Variants in KDR observed in about 807,000 individuals in gnomAD.
The protein encoded by KDR is vascular endothelial growth factor receptor 2.
KDR carries 43 observed loss-of-function variants against 160.9 expected under a neutral mutation model. The ratio of observed to expected loss-of-function variants is 0.27; its 90% CI spans 0.21 to 0.34. The LOEUF is 0.34. KDR is among the 10% of genes least tolerant of loss of function. KDR has a pLI of 1.00. For missense variants in KDR, 1,469 were observed against 1,666.4 expected, an observed-to-expected ratio of 0.88 and a Z score of 2.06; for synonymous variants, 617 against 600.1, an observed-to-expected ratio of 1.03 and a Z score of -0.41.
intron 27 of KDR, among the ~76,000 whole-genome samples, chr4:55,086,367 A>G (rs993016245): frequency 2.0e-5 from 3 of 152,188 alleles, no homozygotes; most frequent in Non-Finnish European, 2.9e-5. Flanking sequence ...AAACTGAGGC[A>G]GAGGGTAGAT....
intron 29 of KDR, among the ~76,000 whole-genome samples, chr4:55,081,563 C>T (rs1719736297): frequency 6.6e-6 from 1 of 152,136 alleles, no homozygotes; most frequent in South Asian, 2.1e-4. Context: ...ATATATCATA[C>T]TTCTTAAGCA....
intron 10 of KDR, among the ~76,000 whole-genome samples, chr4:55,107,394 C>T (rs569933430): frequency 2.8e-4 from 42 of 152,130 alleles, no homozygotes; most frequent in Non-Finnish European, 5.6e-4. Context: ...TGGATCTTCA[C>T]ACACACAAGA....
Position 55,078,704 on chromosome 4 carries a change from C to CA in KDR, c.*1236dup, listed in dbSNP as rs1052975553. ...CAGCATTTCACACTATGGTACCAAA[C>CA]AAAAAACACATTTTCTTTTTTGAAA... is the stretch of plus-strand genomic sequence containing the variant. On this transcript the variant is annotated 3_prime_UTR_variant, in exon 30 of 30. Coordinates refer to ENST00000263923, the MANE Select transcript of KDR (RefSeq NM_002253.4). 1.7e-5 allele frequency: 4 copies of CA among 232,220 alleles called. No individual in the cohort carries two copies. The highest frequency in any genetic ancestry group is 3.4e-5 in the Non-Finnish European group (4 of 117,678). The allele number at this position is 232,220 out of a possible 1,614,324, so 14.4% of individuals were successfully genotyped here.
At position 55,080,076 on chromosome 4, in the gene KDR, A is replaced by G; in HGVS notation, c.3936T>C (p.Asp1312=). Residue 1312 remains aspartate, a synonymous_variant, in exon 30 of 30, where the codon GAT becomes GAC. Coordinates refer to ENST00000263923, the MANE Select transcript of KDR (RefSeq NM_002253.4). ...TSGYQSGYHS[D]DTDTTVYSSE... The stretch of plus-strand genomic sequence containing the variant: ...TGGAGTACACGGTGGTGTCTGTGTC[A>G]TCGGAGTGATATCCGGACTGGTAGC... The G allele has an allele frequency of 6.2e-7, 1 of 1,614,192 alleles. No individual in the cohort carries two copies. The highest frequency in any genetic ancestry group is 8.5e-7 in the Non-Finnish European group (1 of 1,180,038).
chr4:55,085,179 A>G (rs1578126172), intron 27 of KDR, among the ~76,000 whole-genome samples: 1 of 152,314 alleles, frequency 6.6e-6, no homozygotes. Flanking sequence ...GAGCCCAGCA[A>G]GTATGTGTTT....
chr4:55,125,570 G>T lies in KDR; in HGVS notation c.-277C>A, dbSNP rs943654217. 4.3e-5 allele frequency: 25 copies of T among 580,174 alleles called. No homozygotes were observed. The highest frequency in any genetic ancestry group is 3.9e-4 in the African/African-American group (21 of 53,436). The allele number at this position is 580,174 out of a possible 1,614,324, so 35.9% of individuals were successfully genotyped here. ...GAAACGCAGCGACCACACATTGACC[G>T]CTCTCCCGGGGTCCCGGGACTCAGT... On this transcript the variant is annotated 5_prime_UTR_variant, in exon 1 of 30. Coordinates refer to ENST00000263923, the MANE Select transcript of KDR (RefSeq NM_002253.4).
At chr4:55,098,940 C>T (rs1372441157) in intron 15 of KDR, 137 bp from the exon 16 acceptor site, 8 of 578,070 alleles carry the variant, frequency 1.4e-5, no homozygotes, top group East Asian at 8.8e-5. Context: ...AGTTACACAC[C>T]CGTAACTTGA....
intron 13 of KDR, 152 bp downstream of exon 13, chr4:55,104,491 T>C: frequency 1.4e-6 from 1 of 691,652 alleles, no homozygotes; most frequent in Non-Finnish European, 2.6e-6. Flanking sequence ...ATTATTAGCT[T>C]CTTTCTTCCT....
chr4:55,122,520 T>C (rs1204392775), intron 1 of KDR, among the ~76,000 whole-genome samples: 1 of 152,174 alleles, frequency 6.6e-6, no homozygotes, highest in Non-Finnish European at 1.5e-5. Flanking sequence ...AAATACCCAG[T>C]GCAAACATCC....
At chr4:55,113,177 C>T in intron 7 of KDR, 127 bp downstream of exon 7, 1 of 1,008,382 alleles carries the variant, frequency 9.9e-7, no homozygotes, top group Admixed American at 1.9e-5. Flanking sequence ...GGTCATGTGG[C>T]CTCCCTAACA....
chr4:55,120,129 G>T (rs560187562), intron 2 of KDR, among the ~76,000 whole-genome samples: 1 of 152,084 alleles, frequency 6.6e-6, no homozygotes. Flanking sequence ...TTTTCCCAAG[G>T]GCTGGGTATT....
intron 9 of KDR, 34 bp downstream of exon 9, chr4:55,110,366 TAAA>T (rs1334043404): frequency 6.2e-7 from 1 of 1,604,032 alleles, no homozygotes; most frequent in Non-Finnish European, 8.5e-7. Flanking sequence ...TGTATCATAA[TAAA>T]TCTTGGGCAG....
chr4:55,124,958 G>A (rs969118277), intron 1 of KDR, among the ~76,000 whole-genome samples: 1 of 152,138 alleles, frequency 6.6e-6, no homozygotes, highest in African/African-American at 2.4e-5. Context: ...GGGTGTGTCG[G>A]CATCTCAGGA....
At chr4:55,082,964 T>G (rs1046241006) in intron 27 of KDR, among the ~76,000 whole-genome samples, 3 of 152,156 alleles carry the variant, frequency 2.0e-5, no homozygotes, top group African/African-American at 7.2e-5. Context: ...TGCATGGGAT[T>G]CCTCCATCGA....
chr4:55,110,319 G>A (rs1473028450), intron 9 of KDR, 84 bp downstream of exon 9: 11 of 1,383,244 alleles, frequency 8.0e-6, no homozygotes, highest in Non-Finnish European at 1.1e-5. Flanking sequence ...AGCAGCAGGA[G>A]GCAGAGGAAC....
chr4:55,090,616 T>C (rs1719989260), intron 22 of KDR, among the ~76,000 whole-genome samples: 1 of 152,128 alleles, frequency 6.6e-6, no homozygotes, highest in Non-Finnish European at 1.5e-5. Context: ...TAAAGGTCTA[T>C]TAAGGCAATT....
chr4:55,093,115 G>A (rs1720059597), intron 21 of KDR, among the ~76,000 whole-genome samples: 1 of 152,200 alleles, frequency 6.6e-6, no homozygotes, highest in South Asian at 2.1e-4. Context: ...CAGGGTCATT[G>A]AATCTCTTCT....
rs1719648177 is a variant in KDR, at chr4:55,078,848, A to G, written c.*1093T>C. On this transcript the variant is annotated 3_prime_UTR_variant, in exon 30 of 30. Transcript: ENST00000263923. ...TAATTTTGAAGTCTGGCTAATAATC[A>G]TTCAGAGAGTGAACAAACCCAATCA... The G allele has an allele frequency of 4.3e-6, 1 of 233,278 alleles. No individual in the cohort carries two copies. The allele number at this position is 233,278 out of a possible 1,614,324, so 14.5% of individuals were successfully genotyped here.
In KDR at chr4:55,125,457, G is replaced by C. The variant is rs1296101922; in HGVS notation, c.-164C>G. On this transcript the variant is annotated 5_prime_UTR_variant, in exon 1 of 30. Coordinates refer to ENST00000263923, the MANE Select transcript of KDR (RefSeq NM_002253.4). ...GCCCGGGCGCCGACCGCGGCTGCAG[G>C]GGCGTCTGCGGGTGCCGGTAGGAGA... 1.5e-5 allele frequency: 11 copies of C among 753,134 alleles called. No homozygotes were observed. The highest frequency in any genetic ancestry group is 2.7e-5 in the East Asian group (1 of 37,056). 46.7% of individuals were successfully genotyped at this position (753,134 alleles called of 1,614,324 possible). A position where few individuals can be genotyped will look rare whatever the true frequency, so the allele number is the denominator to read the frequency against.
Sources: gnomAD v4.1 joint callset for allele counts (sites outside exome capture counted in the v4.1 genomes callset) on GRCh38, gnomAD v4.1.1 for gene constraint, MANE v1.5 for transcripts, NCBI Gene and HGNC (gene_info 2026-07-23, HGNC 2026-07-21) for gene names.